The following THUMPD2 variants were observed in gnomAD, a reference collection of about 807,000 sequenced individuals.
The protein encoded by THUMPD2 is THUMP domain 2 tRNA and snRNA guanosine methyltransferase.
In THUMPD2, 56 loss-of-function variants were observed where a neutral mutation model predicts 49.4. The observed-to-expected ratio is 1.13, with a 90% confidence interval of 0.91 to 1.41. The LOEUF is 1.41. Ranked by LOEUF, THUMPD2 falls within the 40% of genes most tolerant of loss-of-function variation. The pLI is 0.00. For missense variants in THUMPD2, 709 were observed against 594.5 expected (o/e 1.19, Z -2.00); for synonymous variants, 237 against 205.2 (o/e 1.15, Z -1.32).
chr2:39,754,975 C>G (rs1675900687), intron 8 of THUMPD2, among the ~76,000 whole-genome samples: 1 of 152,110 alleles, frequency 6.6e-6, no homozygotes, highest in African/African-American at 2.4e-5. Flanking sequence ...ACACTGCTTT[C>G]TTTATGGCTA....
At chr2:39,777,041 C>G (rs1195210824) in intron 1 of THUMPD2, among the ~76,000 whole-genome samples, 3 of 152,122 alleles carry the variant, frequency 2.0e-5, no homozygotes, top group Non-Finnish European at 4.4e-5. Context: ...TGTTAATTTC[C>G]TTGATGCGAT....
Position 39,743,280 on chromosome 2 carries a change from T to C in THUMPD2, c.1187+1090A>G, listed in dbSNP as rs916340377. On this transcript the variant is annotated intron_variant, in intron 9 of 9. Transcript: ENST00000505747. ...GACCTCTTATATTCATGTCCATTCATAACTGTATGCATTCTATGTTCTCTT... is the reference window on the plus strand; with the variant it reads ...GACCTCTTATATTCATGTCCATTCACAACTGTATGCATTCTATGTTCTCTT... 6.6e-5 allele frequency among the ~76,000 whole-genome samples: 10 copies of C among 152,324 alleles called. No individual in the cohort carries two copies. The South Asian group carries it at 1.5e-3, about 22-fold the overall frequency.
intron 9 of THUMPD2, among the ~76,000 whole-genome samples, chr2:39,743,685 T>C (rs973109431): frequency 1.3e-5 from 2 of 152,226 alleles, no homozygotes; most frequent in African/African-American, 2.4e-5. Context: ...TCCTGCCATG[T>C]GATCTCTGCA....
intron 8 of THUMPD2, among the ~76,000 whole-genome samples, chr2:39,747,782 TCA>T (rs1264616869): frequency 1.3e-5 from 2 of 152,200 alleles, no homozygotes; most frequent in East Asian, 1.9e-4. Flanking sequence ...GCCTTCCAGT[TCA>T]CAGTCCCTCC....
At chr2:39,741,751 A>G (rs932097856) in intron 9 of THUMPD2, among the ~76,000 whole-genome samples, 4 of 152,172 alleles carry the variant, frequency 2.6e-5, no homozygotes, top group Non-Finnish European at 1.5e-5. Context: ...TAGTACATAC[A>G]GTACTATTTC....
chr2:39,755,009 T>C (rs1341982483), intron 8 of THUMPD2, among the ~76,000 whole-genome samples: 1 of 151,474 alleles, frequency 6.6e-6, no homozygotes, highest in Non-Finnish European at 1.5e-5. Context: ...CTGGTTCTGA[T>C]ACGAGAAATG....
Position 39,736,531 on chromosome 2 carries a change from C to A in THUMPD2, c.*204G>T. 2 of 435,846 alleles carry A rather than the reference C, an allele frequency of 4.6e-6. No homozygotes were observed. Among genetic ancestry groups the A allele is most frequent in the East Asian group, 3.4e-5 (1 of 29,234 alleles). The allele number at this position is 435,846 out of a possible 1,614,324, so 27.0% of individuals were successfully genotyped here. A position where few individuals can be genotyped will look rare whatever the true frequency, so the allele number is the denominator to read the frequency against. ...CTTAAGTCTAAAAAATATTCGATAA[C>A]TTTTTTCTCAAAAACATTAAGTACT... On this transcript the variant is annotated 3_prime_UTR_variant, in exon 10 of 10. Coordinates refer to ENST00000505747, the MANE Select transcript of THUMPD2 (RefSeq NM_025264.5).
intron 6 of THUMPD2, among the ~76,000 whole-genome samples, chr2:39,760,156 T>A (rs1026781240): frequency 7.2e-5 from 11 of 152,130 alleles, no homozygotes; most frequent in African/African-American, 2.4e-4. Context: ...ACTTAGCTTC[T>A]CCAGTAGTTG....
intron 3 of THUMPD2, chr2:39,769,397 T>C (rs1465010962): frequency 1.2e-5 from 3 of 258,854 alleles, no homozygotes; most frequent in African/African-American, 2.2e-5. Context: ...GAATAATTAA[T>C]TCTTTAAAAA....
intron 1 of THUMPD2, among the ~76,000 whole-genome samples, chr2:39,773,298 A>T (rs975301511): frequency 1.3e-5 from 2 of 152,010 alleles, no homozygotes; most frequent in Admixed American, 1.3e-4. Context: ...TAACAGATGA[A>T]ATACTTTACT....
Position 39,771,604 on chromosome 2 carries a change from AGGTGGTG to A in THUMPD2, c.156_162del (p.Thr53ValfsTer4), listed in dbSNP as rs1572877147. The A allele has an allele frequency of 6.2e-7, 1 of 1,605,956 alleles. No individual in the cohort carries two copies. Among genetic ancestry groups the A allele is most frequent in the Non-Finnish European group, 8.5e-7 (1 of 1,177,850 alleles). Reference sequence around the variant, plus strand: ...TTCTTCAACATATTCAAATCAGAACAGGTGGTGAAAAAAACCTTTCCTGAAATATATT... The same window carrying A: ...TTCTTCAACATATTCAAATCAGAACAAAAAAAACCTTTCCTGAAATATATT... On this transcript the variant is annotated frameshift_variant, in exon 2 of 10. Coordinates refer to ENST00000505747, the MANE Select transcript of THUMPD2 (RefSeq NM_025264.5). LOFTEE classifies it high-confidence loss of function.
In THUMPD2 at chr2:39,769,810, T is replaced by C. The variant is rs1651829677; in HGVS notation, c.572A>G (p.Asn191Ser). 4 of 1,611,656 alleles carry C rather than the reference T, an allele frequency of 2.5e-6. No homozygotes were observed. Among genetic ancestry groups the C allele is most frequent in the Non-Finnish European group, 3.4e-6 (4 of 1,179,488 alleles). The change falls in exon 3 of 10, where the codon AAT becomes AGT. Residue 191 changes from asparagine to serine, a missense_variant. Asn to Ser is a conservative substitution (Grantham distance 46). Transcript: ENST00000505747. ...SEKFQEEEFQ[N>S]DIEKAIDTHN... Reference sequence around the variant, plus strand: ...AGTATCAATTGCTTTCTCTATGTCATTCTGAAATTCTTCTTCTTGAAACTT... The same window carrying C: ...AGTATCAATTGCTTTCTCTATGTCACTCTGAAATTCTTCTTCTTGAAACTT...
chr2:39,745,324 A>T (rs939409924), intron 8 of THUMPD2, among the ~76,000 whole-genome samples: 1 of 152,204 alleles, frequency 6.6e-6, no homozygotes, highest in Non-Finnish European at 1.5e-5. Flanking sequence ...GTAATCTCGG[A>T]AAGTCTAATG....
At chr2:39,765,182 CAG>C (rs1244293157) in intron 5 of THUMPD2, among the ~76,000 whole-genome samples, 1 of 152,046 alleles carries the variant, frequency 6.6e-6, no homozygotes, top group East Asian at 1.9e-4. Flanking sequence ...TTTTTTGAGA[CAG>C]AGTCTCACTC....
chr2:39,766,201 T>C, intron 4 of THUMPD2, 92 bp from the exon 5 acceptor site: 1 of 934,022 alleles, frequency 1.1e-6, no homozygotes, highest in Non-Finnish European at 1.6e-6. Context: ...ACTTACATGA[T>C]CTATGTTTTA....
chr2:39,757,690 T>C (rs1246940955), intron 6 of THUMPD2, among the ~76,000 whole-genome samples: 2 of 152,242 alleles, frequency 1.3e-5, no homozygotes, highest in Non-Finnish European at 1.5e-5. Flanking sequence ...GAGGTAGAGA[T>C]GTATTTCTGT....
At chr2:39,777,337 T>C (rs567050427) in intron 1 of THUMPD2, among the ~76,000 whole-genome samples, 1 of 152,340 alleles carries the variant, frequency 6.6e-6, no homozygotes, top group Non-Finnish European at 1.5e-5. Flanking sequence ...AGACCATACG[T>C]ACTCTACCGT....
intron 2 of THUMPD2, among the ~76,000 whole-genome samples, chr2:39,771,104 T>G (rs1258645656): frequency 1.3e-5 from 2 of 152,104 alleles, no homozygotes; most frequent in African/African-American, 4.8e-5. Context: ...ATGCAGTATT[T>G]TTCCAATTAT....
At chr2:39,774,749 G>A (rs9309042) in intron 1 of THUMPD2, among the ~76,000 whole-genome samples, 62,494 of 151,734 alleles carry the variant, frequency 0.41, 14,391 homozygotes, top group East Asian at 0.75. Context: ...AAGGCATTTG[G>A]AATATTTCAT....
Sources: gnomAD v4.1 joint callset for allele counts (sites outside exome capture counted in the v4.1 genomes callset) on GRCh38, gnomAD v4.1.1 for gene constraint, MANE v1.5 for transcripts, NCBI Gene and HGNC (gene_info 2026-07-23, HGNC 2026-07-21) for gene names.